The following SPATS2 variants were observed in gnomAD, a reference collection of about 807,000 sequenced individuals.
SPATS2 encodes the protein spermatogenesis-associated serine-rich protein 2.
Under a neutral mutation model 63.7 loss-of-function variants are expected in SPATS2, and 38 were observed. The observed-to-expected ratio is 0.60, with a 90% confidence interval of 0.46 to 0.78. The LOEUF (loss-of-function observed/expected upper bound fraction) is 0.78, where lower values mean the gene tolerates loss of function less well. Among genes scored for constraint, SPATS2 ranks in the 30% least tolerant of loss-of-function variants. The pLI is 0.00. For synonymous variants in SPATS2, 207 were observed against 232.9 expected, an observed-to-expected ratio of 0.89 and a Z score of 1.01; for missense variants, 588 against 666.2, an observed-to-expected ratio of 0.88 and a Z score of 1.29.
chr12:49,514,357 T>A, intron 9 of SPATS2, 198 bp from the exon 10 acceptor site: 1 of 539,360 alleles, frequency 1.9e-6, no homozygotes. Context: ...TGGGTCTATT[T>A]ATTTTATTTA....
chr12:49,478,743 T>G (rs778475396), intron 3 of SPATS2, among the ~76,000 whole-genome samples: 1 of 152,156 alleles, frequency 6.6e-6, no homozygotes, highest in Non-Finnish European at 1.5e-5. Flanking sequence ...CTTCTGGTCT[T>G]TCTTTGGCCA....
At chr12:49,512,943 C>T (rs1296927225) in intron 9 of SPATS2, 2 of 1,279,326 alleles carry the variant, frequency 1.6e-6, no homozygotes, top group Non-Finnish European at 2.0e-6. Flanking sequence ...ATTGCTACCC[C>T]ACAATAATTG....
intron 9 of SPATS2, among the ~76,000 whole-genome samples, chr12:49,505,427 G>A (rs1477502984): frequency 6.6e-6 from 1 of 152,064 alleles, no homozygotes; most frequent in Non-Finnish European, 1.5e-5. Context: ...TCCCTTATCT[G>A]AAATGCTTAG....
intron 6 of SPATS2, among the ~76,000 whole-genome samples, chr12:49,493,114 A>AAAAG (rs1214338096): frequency 6.6e-6 from 1 of 151,310 alleles, no homozygotes; most frequent in African/African-American, 2.4e-5. Flanking sequence ...AAAAAAAAAA[A>AAAAG]AAAGAAAGAA....
intron 2 of SPATS2, among the ~76,000 whole-genome samples, chr12:49,436,948 C>T (rs1363845357): frequency 3.5e-5 from 5 of 142,290 alleles, no homozygotes; most frequent in Admixed American, 6.9e-5. Context: ...GGCGGCTGGC[C>T]GGGCAGGGGG....
chr12:49,485,833 C>A (rs932563796), intron 4 of SPATS2, among the ~76,000 whole-genome samples: 1 of 149,088 alleles, frequency 6.7e-6, no homozygotes, highest in African/African-American at 2.5e-5. Flanking sequence ...AGTCTCGGCT[C>A]CCTTTAGCCT....
intron 2 of SPATS2, among the ~76,000 whole-genome samples, chr12:49,459,758 T>C (rs1784642393): frequency 9.6e-6 from 1 of 104,494 alleles, no homozygotes; most frequent in Non-Finnish European, 1.9e-5. Context: ...CCCCCCCATA[T>C]TTTTTATAGC....
intron 10 of SPATS2, among the ~76,000 whole-genome samples, chr12:49,517,317 C>T (rs748805331): frequency 6.6e-6 from 1 of 152,200 alleles, no homozygotes; most frequent in Non-Finnish European, 1.5e-5. Flanking sequence ...TGGGTCTAGG[C>T]AGCCCATGTG....
At chr12:49,390,104 C>A in intron 2 of SPATS2, 1 of 1,469,856 alleles carries the variant, frequency 6.8e-7, no homozygotes, top group Non-Finnish European at 9.5e-7. Context: ...GAAGATGTGT[C>A]GGAAAGTACT....
At chr12:49,510,857 T>C (rs1408887541) in intron 9 of SPATS2, among the ~76,000 whole-genome samples, 1 of 152,194 alleles carries the variant, frequency 6.6e-6, no homozygotes, top group African/African-American at 2.4e-5. Flanking sequence ...AGACACAATT[T>C]GTGTTAGAGA....
intron 2 of SPATS2, among the ~76,000 whole-genome samples, chr12:49,459,616 G>A (rs1012828880): frequency 6.6e-6 from 1 of 151,582 alleles, no homozygotes; most frequent in Admixed American, 6.6e-5. Flanking sequence ...CCAAAGTGCT[G>A]GGATTACAGG....
chr12:49,430,119 G>C (rs1050746753), intron 2 of SPATS2, among the ~76,000 whole-genome samples: 2 of 33,544 alleles, frequency 6.0e-5, no homozygotes, highest in Non-Finnish European at 1.1e-4. Flanking sequence ...TTTTTTTTTT[G>C]AGACAAAGTC....
At chr12:49,519,981 ATT>A (rs747590338) in intron 11 of SPATS2, among the ~76,000 whole-genome samples, 10 of 138,436 alleles carry the variant, frequency 7.2e-5, no homozygotes, top group African/African-American at 5.3e-5. Context: ...CGCCTGGCTA[ATT>A]TTTTTTTTTT....
chr12:49,511,793 A>T (rs777446584), intron 9 of SPATS2, among the ~76,000 whole-genome samples: 1 of 152,206 alleles, frequency 6.6e-6, no homozygotes, highest in African/African-American at 2.4e-5. Flanking sequence ...AAAAATGCCT[A>T]TGTTGTTATC....
At chr12:49,441,293 C>T (rs1350277402) in intron 2 of SPATS2, among the ~76,000 whole-genome samples, 1 of 152,118 alleles carries the variant, frequency 6.6e-6, no homozygotes. Context: ...TTTTTTAAAT[C>T]TGCTATTTAT....
intron 3 of SPATS2, chr12:49,469,542 T>TAAA (rs748722366): frequency 7.4e-4 from 235 of 319,384 alleles, no homozygotes; most frequent in Middle Eastern, 2.2e-3. Flanking sequence ...GCTGGGTCTC[T>TAAA]AAAAAAAAAA....
intron 11 of SPATS2, 43 bp downstream of exon 11, chr12:49,519,225 G>A: frequency 6.7e-7 from 1 of 1,497,572 alleles, no homozygotes; most frequent in Non-Finnish European, 9.1e-7. Context: ...TTATCCTCAG[G>A]GGCTAAAGTA....
At chr12:49,437,853 A>AGAG (rs1555184382) in intron 2 of SPATS2, among the ~76,000 whole-genome samples, 1 of 151,808 alleles carries the variant, frequency 6.6e-6, no homozygotes, top group Non-Finnish European at 1.5e-5. Flanking sequence ...GGGGAGAGGG[A>AGAG]GAGGGAGAGG....
At chr12:49,502,474 A>G (rs1946581472) in intron 9 of SPATS2, among the ~76,000 whole-genome samples, 1 of 152,160 alleles carries the variant, frequency 6.6e-6, no homozygotes, top group Non-Finnish European at 1.5e-5. Flanking sequence ...TGTTTGAGAC[A>G]GGGTCTGGCT....
Sources: allele counts gnomAD v4.1 joint callset (sites outside exome capture counted in the v4.1 genomes callset), GRCh38; gene constraint gnomAD v4.1.1; transcripts MANE v1.5; gene names NCBI Gene and HGNC (gene_info 2026-07-23, HGNC 2026-07-21).